TMEM68: variants seen among roughly 807,000 people sequenced by gnomAD.
TMEM68 encodes DGAT1/2-independent enzyme synthesizing storage lipids.
In TMEM68, 25 loss-of-function variants were observed where a neutral mutation model predicts 36.9. The observed-to-expected ratio is 0.68, with a 90% CI of 0.49 to 0.95. The LOEUF is 0.95. Ranked by LOEUF, TMEM68 falls within the 40% of genes least tolerant of loss-of-function variation. TMEM68 has a pLI of 0.00. For synonymous variants in TMEM68, 131 were observed against 124.4 expected (o/e 1.05, Z -0.35); for missense variants, 333 against 392.0 (o/e 0.85, Z 1.27).
intron 7 of TMEM68, among the ~76,000 whole-genome samples, chr8:55,740,554 T>G (rs1056270200): frequency 6.6e-6 from 1 of 152,144 alleles, no homozygotes; most frequent in Non-Finnish European, 1.5e-5. Context: ...GTAAGCTCCT[T>G]AAGATACATC....
chr8:55,743,833 G>T (rs1381488162), intron 6 of TMEM68, among the ~76,000 whole-genome samples: 1 of 151,890 alleles, frequency 6.6e-6, no homozygotes, highest in Non-Finnish European at 1.5e-5. Flanking sequence ...AGAAACTAGG[G>T]GATGGTGAGA....
At position 55,773,376 on chromosome 8, in the gene TMEM68, G is replaced by A; in HGVS notation, c.-222C>T. On this transcript the variant is annotated 5_prime_UTR_variant, in exon 1 of 8. Coordinates refer to ENST00000434581, the MANE Select transcript of TMEM68 (RefSeq NM_001286657.2). ...CCCGTGTGAAAGAAGCCAAGCGGCGGCTGCAGCCCGGGCCGCGATGGGGGT... is the reference window on the plus strand; with the variant it reads ...CCCGTGTGAAAGAAGCCAAGCGGCGACTGCAGCCCGGGCCGCGATGGGGGT... 4.8e-6 allele frequency: 2 copies of A among 415,624 alleles called. No individual in the cohort carries two copies. Among genetic ancestry groups the A allele is most frequent in the South Asian group, 8.5e-5 (2 of 23,510 alleles). 25.7% of individuals were successfully genotyped at this position (415,624 alleles called of 1,614,324 possible).
chr8:55,757,084 G>T (rs1390158949), intron 3 of TMEM68, among the ~76,000 whole-genome samples: 1 of 151,978 alleles, frequency 6.6e-6, no homozygotes, highest in Non-Finnish European at 1.5e-5. Context: ...TTAGAGGAGG[G>T]GGTTGAAAAC....
At chr8:55,740,691 T>G (rs954521699) in intron 7 of TMEM68, among the ~76,000 whole-genome samples, 1 of 152,074 alleles carries the variant, frequency 6.6e-6, no homozygotes, top group Non-Finnish European at 1.5e-5. Context: ...TTTCCAGCTA[T>G]TAGTAAATTC....
rs1390070235 is a variant in TMEM68 at position 55,754,933 on chromosome 8, A to G, written c.493+1311T>C. Among the ~76,000 whole-genome samples the G allele has an allele frequency of 4.6e-5, 2 of 43,602 alleles. 1 individual carries two copies. Among genetic ancestry groups the G allele is most frequent in the Non-Finnish European group, 8.2e-5 (2 of 24,452 alleles). The allele number at this position is 43,602 out of a possible 152,430, so 28.6% of individuals were successfully genotyped here. A position where few individuals can be genotyped will look rare whatever the true frequency, so the allele number is the denominator to read the frequency against. ...ATATATTATATATTTATATATATTTATATATATTTATACACACACACACAC... is the reference window on the plus strand; with the variant it reads ...ATATATTATATATTTATATATATTTGTATATATTTATACACACACACACAC... On this transcript the variant is annotated intron_variant, in intron 4 of 7. Coordinates refer to ENST00000434581, the MANE Select transcript of TMEM68 (RefSeq NM_001286657.2).
chr8:55,755,791 A>T (rs1810587143), intron 4 of TMEM68, among the ~76,000 whole-genome samples: 2 of 152,062 alleles, frequency 1.3e-5, no homozygotes, highest in African/African-American at 4.8e-5. Flanking sequence ...GATACAACTT[A>T]AAAAAATAAC....
chr8:55,767,782 A>C (rs1482766049), intron 1 of TMEM68, among the ~76,000 whole-genome samples: 4 of 152,122 alleles, frequency 2.6e-5, no homozygotes, highest in African/African-American at 9.7e-5. Flanking sequence ...TACCAAAAAT[A>C]CAAAATTAGC....
chr8:55,761,356 T>C (rs1157211331), intron 3 of TMEM68: 1 of 152,212 alleles, frequency 6.6e-6, no homozygotes, highest in Non-Finnish European at 1.5e-5. Flanking sequence ...TGGTTGCTAT[T>C]ACTTGGAGCA....
chr8:55,755,034 C>A (rs1324544299), intron 4 of TMEM68, among the ~76,000 whole-genome samples: 1 of 148,334 alleles, frequency 6.7e-6, no homozygotes, highest in Non-Finnish European at 1.5e-5. Context: ...TGCAGTGGCT[C>A]GCACTTGTAA....
At chr8:55,754,031 G>A (rs1330978680) in intron 4 of TMEM68, among the ~76,000 whole-genome samples, 1 of 152,082 alleles carries the variant, frequency 6.6e-6, no homozygotes, top group Non-Finnish European at 1.5e-5. Context: ...GGCGGAGGCT[G>A]CAGTGAGTCG....
intron 1 of TMEM68, among the ~76,000 whole-genome samples, chr8:55,770,846 C>T (rs1444301271): frequency 6.6e-6 from 1 of 152,134 alleles, no homozygotes; most frequent in Non-Finnish European, 1.5e-5. Context: ...CTGGAAATCA[C>T]GTAACTTTTG....
In TMEM68 at chr8:55,739,905, T is replaced by C; in HGVS notation, c.*227A>G. On this transcript the variant is annotated 3_prime_UTR_variant, in exon 8 of 8. Transcript: ENST00000434581. ...GCATAAATTGTTAGGAATTTACAAATAAGACATCTTTTTCTGAATTACTAG... is the reference window on the plus strand; with the variant it reads ...GCATAAATTGTTAGGAATTTACAAACAAGACATCTTTTTCTGAATTACTAG... The C allele has an allele frequency of 2.2e-6, 1 of 456,584 alleles. No individual in the cohort carries two copies. Among genetic ancestry groups the C allele is most frequent in the Non-Finnish European group, 3.8e-6 (1 of 260,848 alleles). 28.3% of individuals were successfully genotyped at this position (456,584 alleles called of 1,614,324 possible).
chr8:55,767,709 G>A (rs968755091), intron 1 of TMEM68, among the ~76,000 whole-genome samples: 14 of 151,998 alleles, frequency 9.2e-5, no homozygotes, highest in East Asian at 5.8e-4. Flanking sequence ...AGGCCGAGGC[G>A]GGAGGATCAC....
At chr8:55,765,382 C>T (rs1810932395) in intron 1 of TMEM68, among the ~76,000 whole-genome samples, 1 of 152,204 alleles carries the variant, frequency 6.6e-6, no homozygotes, top group South Asian at 2.1e-4. Flanking sequence ...GAGTTGCTGA[C>T]TCCAGTTATC....
chr8:55,762,753 A>G lies in TMEM68; in HGVS notation c.207T>C (p.Ile69=). 6.2e-7 allele frequency: 1 copy of G among 1,613,784 alleles called. No homozygotes were observed. Among genetic ancestry groups the G allele is most frequent in the Non-Finnish European group, 8.5e-7 (1 of 1,179,780 alleles). ...TCTTTCTCTTATAAATGTGTAAGAA[A>G]ATAATAGTAAGGTAGAGAAGAAAGA... ...FTIFLLYLTI[I]FLHIYKRKNV... is the part of the protein sequence containing the mutation. The change falls in exon 3 of 8, where the codon ATT becomes ATC. Residue 69 remains isoleucine (I), a synonymous_variant. Transcript: ENST00000434581.
chr8:55,750,411 C>T (rs1461162181), intron 5 of TMEM68, among the ~76,000 whole-genome samples: 6 of 151,884 alleles, frequency 4.0e-5, no homozygotes, highest in South Asian at 2.1e-4. Flanking sequence ...AAACAGAAAA[C>T]GAAGCAGAAA....
chr8:55,750,905 A>C, intron 5 of TMEM68, 59 bp downstream of exon 5: 1 of 1,538,552 alleles, frequency 6.5e-7, no homozygotes, highest in Non-Finnish European at 8.8e-7. Context: ...CTCATTACTT[A>C]ACCATTTATT....
intron 1 of TMEM68, among the ~76,000 whole-genome samples, chr8:55,772,407 C>T (rs1811205731): frequency 6.6e-6 from 1 of 152,186 alleles, no homozygotes; most frequent in Non-Finnish European, 1.5e-5. Context: ...TCCATGAATA[C>T]CACACACCAA....
chr8:55,740,404 A>G (rs899327124), intron 7 of TMEM68, among the ~76,000 whole-genome samples, 186 bp from the exon 8 acceptor site: 14 of 152,148 alleles, frequency 9.2e-5, no homozygotes, highest in Admixed American at 7.9e-4. Context: ...GGGCTCAAGC[A>G]ATTCTCCCAC....
Sources: gnomAD v4.1 joint callset for allele counts (sites outside exome capture counted in the v4.1 genomes callset) on GRCh38, gnomAD v4.1.1 for gene constraint, MANE v1.5 for transcripts, NCBI Gene and HGNC (gene_info 2026-07-23, HGNC 2026-07-21) for gene names.